The following PACRG variants were observed in gnomAD, a reference collection of about 807,000 sequenced individuals.
The protein encoded by PACRG is parkin coregulated, also known as parkin coregulated gene protein.
In PACRG, 29 loss-of-function variants were observed where a neutral mutation model predicts 29.7. That is an observed-to-expected ratio of 0.98 (90% CI 0.73 to 1.33). PACRG has a LOEUF of 1.33. PACRG is among the 40% of genes most tolerant of loss of function. PACRG has a pLI of 0.00. For missense variants in PACRG, 279 were observed against 316.2 expected (o/e 0.88, Z 0.89); for synonymous variants, 116 against 118.7 (o/e 0.98, Z 0.15).
intron 2 of PACRG, among the ~76,000 whole-genome samples, chr6:163,053,367 G>T (rs938150469): frequency 1.2e-4 from 18 of 152,040 alleles, no homozygotes; most frequent in Non-Finnish European, 2.1e-4. Flanking sequence ...ATTATTCTCA[G>T]TATCTTTTTT....
chr6:162,807,927 A>G (rs995098195), intron 1 of PACRG, among the ~76,000 whole-genome samples: 6 of 152,248 alleles, frequency 3.9e-5, no homozygotes, highest in Admixed American at 3.3e-4. Context: ...TATCATGATC[A>G]TAATATATTG....
intron 4 of PACRG, among the ~76,000 whole-genome samples, chr6:163,107,068 G>A (rs1483273723): frequency 6.6e-6 from 1 of 152,200 alleles, no homozygotes; most frequent in East Asian, 1.9e-4. Flanking sequence ...TGTTTATCTT[G>A]AGAGAATGAG....
At chr6:163,144,365 C>T in intron 4 of PACRG, among the ~76,000 whole-genome samples, 1 of 130,574 alleles carries the variant, frequency 7.7e-6, no homozygotes, top group Non-Finnish European at 1.7e-5. Context: ...CACACACACA[C>T]ACACAGTTAT....
chr6:163,234,650 C>A (rs930231449), intron 4 of PACRG, among the ~76,000 whole-genome samples: 1 of 152,146 alleles, frequency 6.6e-6, no homozygotes. Flanking sequence ...GCAGATGTAG[C>A]CACAGATGCA....
At position 162,728,254 on chromosome 6, in the gene PACRG, A is replaced by G; in HGVS notation, c.19A>G (p.Thr7Ala). ...TAGGAAGATGGTGGCAGAAAAAGAG[A>G]CCCTGAGCTTAAACAAATGCCCAGA... MVAEKE[T>A]LSLNKCPDKM... Residue 7 changes from threonine to alanine, a missense_variant, in exon 1 of 5, where the codon ACC becomes GCC. Transcript: ENST00000366888. The G allele has an allele frequency of 6.2e-7, 1 of 1,613,838 alleles. No homozygotes were observed. The highest frequency in any genetic ancestry group is 8.5e-7 in the Non-Finnish European group (1 of 1,179,952).
intron 2 of PACRG, among the ~76,000 whole-genome samples, chr6:162,881,964 G>T (rs1349940268): frequency 7.6e-6 from 1 of 131,346 alleles, no homozygotes; most frequent in Non-Finnish European, 1.6e-5. Context: ...AGATGGGTGG[G>T]GGGGGGCACT....
In PACRG at chr6:163,097,847, T is replaced by C. The variant is rs191110711; in HGVS notation, c.613+8439T>C. Among the ~76,000 whole-genome samples the C allele has an allele frequency of 1.2e-3, 175 of 152,108 alleles. 1 individual carries two copies. Among genetic ancestry groups the C allele is most frequent in the African/African-American group, 3.8e-3 (159 of 41,502 alleles). ...TCATAGGTGGTACCCTTAGAGAAAA[T>C]AAGTTGGCAGATGTAGACTCTCCGT... On this transcript the variant is annotated intron_variant, in intron 4 of 4. Transcript: ENST00000366888.
chr6:163,033,054 C>A (rs1167187846), intron 2 of PACRG, among the ~76,000 whole-genome samples: 1 of 152,164 alleles, frequency 6.6e-6, no homozygotes, highest in Non-Finnish European at 1.5e-5. Context: ...TAACTTAAAA[C>A]AATCCATTAA....
chr6:163,219,385 G>T (rs1278280494), intron 4 of PACRG, among the ~76,000 whole-genome samples: 2 of 152,198 alleles, frequency 1.3e-5, no homozygotes, highest in Non-Finnish European at 2.9e-5. Context: ...ACAGTATCCA[G>T]AATGTGTCTT....
chr6:163,213,770 A>G (rs1021569635), intron 4 of PACRG, among the ~76,000 whole-genome samples: 5 of 152,232 alleles, frequency 3.3e-5, no homozygotes, highest in African/African-American at 1.2e-4. Context: ...TAAAGTTTAC[A>G]AATAAATCCA....
At chr6:162,972,334 A>G (rs986789194) in intron 2 of PACRG, among the ~76,000 whole-genome samples, 2 of 152,156 alleles carry the variant, frequency 1.3e-5, no homozygotes, top group African/African-American at 4.8e-5. Context: ...TCGCACATGT[A>G]GCAGTCTCTA....
At chr6:162,901,234 T>C (rs1485871341) in intron 2 of PACRG, among the ~76,000 whole-genome samples, 5 of 152,152 alleles carry the variant, frequency 3.3e-5, no homozygotes, top group Non-Finnish European at 7.3e-5. Flanking sequence ...CAGGTATATA[T>C]TGGTGCAATT....
At chr6:163,226,107 A>G (rs1585349166) in intron 4 of PACRG, among the ~76,000 whole-genome samples, 1 of 152,226 alleles carries the variant, frequency 6.6e-6, no homozygotes, top group Non-Finnish European at 1.5e-5. Context: ...TATACCAGTC[A>G]CATAAAGACA....
At position 162,780,350 on chromosome 6, in the gene PACRG, T is replaced by A. The variant is rs142653773; in HGVS notation, c.157-33797T>A. On this transcript the variant is annotated intron_variant, in intron 1 of 4. Transcript: ENST00000366888. ...AAAGGCAAGACTTTAATATTTGGGC[T>A]CACATTAATCCCAAATATTCTAAAT... 3.5e-3 allele frequency among the ~76,000 whole-genome samples: 533 copies of A among 152,312 alleles called. 3 individuals are homozygous for A. The highest frequency in any genetic ancestry group is 0.012 in the African/African-American group (500 of 41,570).
upstream of PACRG, chr6:162,727,296 A>AGGGGCGGCGGCGGGGCGAAGGTGT: frequency 3.1e-6 from 1 of 324,798 alleles, no homozygotes; most frequent in Non-Finnish European, 5.6e-6. Flanking sequence ...GGCGAAGGTG[A>AGGGGCGGCGGCGGGGCGAAGGTGT]GGGGCGGCGG....
chr6:163,237,189 T>C (rs7772285), intron 4 of PACRG, among the ~76,000 whole-genome samples: 62,637 of 152,000 alleles, frequency 0.41, 13,852 homozygotes, highest in African/African-American at 0.56. Context: ...TCATCAAACC[T>C]AAATATATAT....
intron 2 of PACRG, among the ~76,000 whole-genome samples, chr6:162,978,946 A>T (rs996082418): frequency 6.6e-6 from 1 of 152,156 alleles, no homozygotes; most frequent in South Asian, 2.1e-4. Flanking sequence ...TGAGTTCTCA[A>T]ATCCATAAAT....
At chr6:163,214,968 A>G (rs1391618103) in intron 4 of PACRG, among the ~76,000 whole-genome samples, 2 of 152,196 alleles carry the variant, frequency 1.3e-5, no homozygotes, top group African/African-American at 4.8e-5. Context: ...GAAGGTTGAC[A>G]TTTGTTAACA....
chr6:163,213,397 C>A (rs1781233358), intron 4 of PACRG, among the ~76,000 whole-genome samples: 1 of 151,826 alleles, frequency 6.6e-6, no homozygotes, highest in Non-Finnish European at 1.5e-5. Context: ...CTGGATTGAT[C>A]TTTTTGCTAT....
Sources: allele counts gnomAD v4.1 joint callset (sites outside exome capture counted in the v4.1 genomes callset), GRCh38; gene constraint gnomAD v4.1.1; transcripts MANE v1.5; gene names NCBI Gene and HGNC (gene_info 2026-07-23, HGNC 2026-07-21).